Variants in CRTC1 observed in about 807,000 individuals in gnomAD.
CRTC1 encodes CREB regulated transcription coactivator 1, also known as CREB-regulated transcription coactivator 1.
CRTC1 carries 18 observed loss-of-function variants against 66.1 expected under a neutral mutation model. The ratio of observed to expected loss-of-function variants is 0.27; its 90% CI spans 0.19 to 0.40. CRTC1 has a LOEUF of 0.40. CRTC1 is among the 10% of genes least tolerant of loss of function. CRTC1 has a pLI of 1.00. For synonymous variants in CRTC1, 416 were observed against 398.8 expected, an observed-to-expected ratio of 1.04 and a Z score of -0.51; for missense variants, 669 against 887.9, an observed-to-expected ratio of 0.75 and a Z score of 3.13.
chr19:18,773,536 CG>C (rs1200835579), intron 11 of CRTC1, among the ~76,000 whole-genome samples: 1 of 152,166 alleles, frequency 6.6e-6, no homozygotes, highest in Non-Finnish European at 1.5e-5. Context: ...CCCCACACCC[CG>C]AGCCCCAGGA....
chr19:18,690,093 G>T (rs530577768), intron 1 of CRTC1, among the ~76,000 whole-genome samples: 1 of 146,548 alleles, frequency 6.8e-6, no homozygotes, highest in East Asian at 2.1e-4. Flanking sequence ...GGGGTGAGGG[G>T]AAGGGAAGGG....
intron 1 of CRTC1, among the ~76,000 whole-genome samples, chr19:18,707,937 G>A (rs935122251): frequency 6.6e-6 from 1 of 152,244 alleles, no homozygotes; most frequent in Non-Finnish European, 1.5e-5. Flanking sequence ...TCTGTAAGAT[G>A]TGCCATGAAG....
intron 5 of CRTC1, among the ~76,000 whole-genome samples, chr19:18,751,048 G>A (rs2054351769): frequency 6.6e-6 from 1 of 152,118 alleles, no homozygotes; most frequent in Non-Finnish European, 1.5e-5. Flanking sequence ...GGCCTGGCAG[G>A]GACACATCAT....
chr19:18,716,235 AGAATGTGGCTCCC>A (rs932248854), intron 1 of CRTC1, among the ~76,000 whole-genome samples: 1 of 150,202 alleles, frequency 6.7e-6, no homozygotes, highest in African/African-American at 2.4e-5. Context: ...AGGTGGGGCC[AGAATGTGGCTCCC>A]GAATGACTCT....
At chr19:18,726,029 G>C (rs561519926) in intron 1 of CRTC1, among the ~76,000 whole-genome samples, 12 of 152,320 alleles carry the variant, frequency 7.9e-5, no homozygotes, top group African/African-American at 2.6e-4. Context: ...CATGTACCGC[G>C]CCCTCGATCT....
chr19:18,744,006 T>G lies in CRTC1; in HGVS notation c.243+980T>G, dbSNP rs561984417. The G allele has an allele frequency of 1.1e-3, 1,340 of 1,256,144 alleles. 8 individuals are homozygous for G. Among genetic ancestry groups the G allele is most frequent in the South Asian group, 6.8e-3 (524 of 76,554 alleles). 77.8% of individuals were successfully genotyped at this position (1,256,144 alleles called of 1,614,324 possible). A position where few individuals can be genotyped will look rare whatever the true frequency, so the allele number is the denominator to read the frequency against. ...GGGGCACAGGACCCTGTTGGGTGTCTGTCGCCCGAGGCCCACAGCCCGGGG... is the reference window on the plus strand; with the variant it reads ...GGGGCACAGGACCCTGTTGGGTGTCGGTCGCCCGAGGCCCACAGCCCGGGG... On this transcript the variant is annotated intron_variant, in intron 2 of 13. Coordinates refer to ENST00000321949, the MANE Select transcript of CRTC1 (RefSeq NM_015321.3).
At chr19:18,691,986 T>A (rs934361265) in intron 1 of CRTC1, among the ~76,000 whole-genome samples, 10 of 152,100 alleles carry the variant, frequency 6.6e-5, no homozygotes, top group African/African-American at 2.4e-4. Context: ...GTGCTGGGAT[T>A]ACAGGTGTGA....
At chr19:18,775,051 T>A (rs1042837761) in intron 12 of CRTC1, 65 bp downstream of exon 12, 27 of 1,499,140 alleles carry the variant, frequency 1.8e-5, no homozygotes, top group Non-Finnish European at 2.5e-5. Context: ...GGACCCTCGC[T>A]GGGACCCGGG....
At chr19:18,711,141 C>A (rs76788927) in intron 1 of CRTC1, among the ~76,000 whole-genome samples, 6,681 of 152,276 alleles carry the variant, frequency 0.044, 208 homozygotes, top group Non-Finnish European at 0.068. Context: ...CTTTGCTTGG[C>A]CACATGCGGC....
chr19:18,748,708 A>G (rs956493296), intron 4 of CRTC1, among the ~76,000 whole-genome samples: 7 of 150,872 alleles, frequency 4.6e-5, no homozygotes, highest in Non-Finnish European at 4.4e-5. Flanking sequence ...TCAAAAAAAA[A>G]AAAAGAAAAA....
chr19:18,736,703 G>A (rs1185217820), intron 1 of CRTC1, among the ~76,000 whole-genome samples: 1 of 150,506 alleles, frequency 6.6e-6, no homozygotes, highest in African/African-American at 2.5e-5. Context: ...GAAGCCTAGA[G>A]GTGGAGAGGG....
chr19:18,718,633 G>A (rs556147110), intron 1 of CRTC1, among the ~76,000 whole-genome samples: 13 of 151,960 alleles, frequency 8.6e-5, no homozygotes, highest in African/African-American at 2.7e-4. Context: ...GTGAGCCACC[G>A]TGCCCAGCCT....
At chr19:18,762,877 C>T (rs960460080) in intron 8 of CRTC1, among the ~76,000 whole-genome samples, 1 of 152,228 alleles carries the variant, frequency 6.6e-6, no homozygotes, top group African/African-American at 2.4e-5. Context: ...ACATTAGAGA[C>T]TGGCAGCCCA....
chr19:18,740,520 A>ATGG (rs2054088930), intron 1 of CRTC1, among the ~76,000 whole-genome samples: 1 of 152,036 alleles, frequency 6.6e-6, no homozygotes, highest in Admixed American at 6.6e-5. Context: ...CCCTAAAACC[A>ATGG]CAGTGTGAGC....
chr19:18,766,719 C>CT (rs1247200060), intron 9 of CRTC1, among the ~76,000 whole-genome samples: 1 of 152,136 alleles, frequency 6.6e-6, no homozygotes, highest in Non-Finnish European at 1.5e-5. Flanking sequence ...AGTGCTGGGA[C>CT]TATAGGCGTG....
At chr19:18,775,612 C>G (rs1355749137) in intron 12 of CRTC1, 29 bp from the exon 13 acceptor site, 2 of 1,533,090 alleles carry the variant, frequency 1.3e-6, no homozygotes, top group East Asian at 2.3e-5. Context: ...CGCGGTGGCC[C>G]TCACAGCCTG....
At chr19:18,744,771 C>T (rs968084724) in intron 2 of CRTC1, among the ~76,000 whole-genome samples, 2 of 152,142 alleles carry the variant, frequency 1.3e-5, no homozygotes, top group South Asian at 2.1e-4. Flanking sequence ...GCAAGAGCCA[C>T]GGAAAGACCC....
At chr19:18,765,260 CAG>C (rs2054702882) in intron 8 of CRTC1, 142 bp from the exon 9 acceptor site, 2 of 1,249,732 alleles carry the variant, frequency 1.6e-6, no homozygotes, top group Non-Finnish European at 2.1e-6. Flanking sequence ...GGGGGGTGCC[CAG>C]GTTTGGCAGT....
At chr19:18,719,115 G>T (rs980994869) in intron 1 of CRTC1, among the ~76,000 whole-genome samples, 29 of 152,256 alleles carry the variant, frequency 1.9e-4, no homozygotes, top group Non-Finnish European at 4.3e-4. Flanking sequence ...AGTGATCATG[G>T]GAGTGATGAG....
Sources: allele counts gnomAD v4.1 joint callset (sites outside exome capture counted in the v4.1 genomes callset), GRCh38; gene constraint gnomAD v4.1.1; transcripts MANE v1.5; gene names NCBI Gene and HGNC (gene_info 2026-07-23, HGNC 2026-07-21).